The following ROBO2 variants were observed in gnomAD, a reference collection of about 807,000 sequenced individuals.
The protein encoded by ROBO2 is roundabout guidance receptor 2, also known as roundabout homolog 2.
A neutral mutation model predicts 160.8 loss-of-function variants in ROBO2; 53 were observed. The observed-to-expected ratio is 0.33, with a 90% CI of 0.26 to 0.41. The LOEUF is 0.41. Ranked by LOEUF, ROBO2 falls within the 10% of genes least tolerant of loss-of-function variation. The pLI is 1.00. For missense variants in ROBO2, 1,577 were observed against 1,722.4 expected, an observed-to-expected ratio of 0.92 and a Z score of 1.49; for synonymous variants, 664 against 611.7, an observed-to-expected ratio of 1.09 and a Z score of -1.26.
At chr3:77,244,655 G>A (rs1240292813) in intron 2 of ROBO2, among the ~76,000 whole-genome samples, 1 of 152,046 alleles carries the variant, frequency 6.6e-6, no homozygotes, top group Non-Finnish European at 1.5e-5. Flanking sequence ...CGAGGTGGGA[G>A]GATCACAAGG....
At chr3:76,975,176 A>G (rs1009797585) in intron 2 of ROBO2, among the ~76,000 whole-genome samples, 1 of 152,184 alleles carries the variant, frequency 6.6e-6, no homozygotes, top group Non-Finnish European at 1.5e-5. Flanking sequence ...ACAAATCTCA[A>G]GTGATCTTCC....
At chr3:76,093,470 A>G (rs2069314792) in intron 2 of ROBO2, among the ~76,000 whole-genome samples, 1 of 115,666 alleles carries the variant, frequency 8.6e-6, no homozygotes. Flanking sequence ...ACAGTTTATA[A>G]TATATTATGT....
In ROBO2 at chr3:77,382,346, C is replaced by CT. The variant is rs58518864; in HGVS notation, c.389-95052dup. Among the ~76,000 whole-genome samples the CT allele has an allele frequency of 7.7e-3, 1,042 of 135,060 alleles. 12 individuals are homozygous for CT. The highest frequency in any genetic ancestry group is 0.025 in the African/African-American group (947 of 38,380). 88.6% of individuals were successfully genotyped at this position (135,060 alleles called of 152,430 possible). On this transcript the variant is annotated intron_variant, in intron 2 of 25. Transcript: ENST00000461745. ...GTTGAAATAGTAGAAAACACATGTC[C>CT]TTTTTTTTTTTTTTTTAAAAAGTCT...
At chr3:77,295,140 A>T (rs1358125544) in intron 2 of ROBO2, among the ~76,000 whole-genome samples, 1 of 150,914 alleles carries the variant, frequency 6.6e-6, no homozygotes, top group Admixed American at 6.6e-5. Flanking sequence ...CCCAGATATA[A>T]AGTAAAATTG....
At chr3:76,652,222 A>C (rs772310414) in intron 2 of ROBO2, among the ~76,000 whole-genome samples, 36 of 152,222 alleles carry the variant, frequency 2.4e-4, no homozygotes, top group Non-Finnish European at 3.7e-4. Flanking sequence ...CAGAGGTAGT[A>C]GCTGTACCCA....
rs77146292 is a variant in ROBO2 at position 76,519,197 on chromosome 3, C to T, written c.110-578817C>T. ...AGTGATGTTTAACATATAATGATAG[C>T]TTAATACTGTGGCATAAATGTATGG... is the stretch of plus-strand genomic sequence containing the variant. On this transcript the variant is annotated intron_variant, in intron 2 of 26. Coordinates refer to the ROBO2 transcript ENST00000487694. Among the ~76,000 whole-genome samples, 45 of 152,286 alleles carry T rather than the reference C, an allele frequency of 3.0e-4. 2 individuals are homozygous for T. The highest frequency in any genetic ancestry group is 2.7e-3 in the South Asian group (13 of 4,826).
chr3:77,392,723 T>A lies in ROBO2; in HGVS notation c.389-84691T>A, dbSNP rs571190565. Among the ~76,000 whole-genome samples the A allele has an allele frequency of 4.6e-5, 7 of 152,338 alleles. No homozygotes were observed. In the South Asian group the frequency reaches 1.4e-3, roughly 32 times the overall value. On this transcript the variant is annotated intron_variant, in intron 2 of 25. Transcript: ENST00000461745. ...GCCTCAGGCTTGAGGGGTTCTGAGA[T>A]GAACAGCAAATCCTTGAGCTAAACA...
Position 77,077,144 on chromosome 3 carries a change from AATG to A in ROBO2, c.62-20867_62-20865del, listed in dbSNP as rs567853984. ...TTTGAAAGCCTTGAGTACTGTGGAT[AATG>A]ATAGTTTCCTGTGCATCTATACAAG... On this transcript the variant is annotated intron_variant, in intron 1 of 25. Transcript: ENST00000461745. 7.9e-5 allele frequency among the ~76,000 whole-genome samples: 12 copies of A among 152,320 alleles called. No homozygotes were observed. In the South Asian group the frequency reaches 2.3e-3, roughly 29 times the overall value.
At chr3:76,591,846 A>G (rs1578373699) in intron 2 of ROBO2, among the ~76,000 whole-genome samples, 1 of 152,044 alleles carries the variant, frequency 6.6e-6, no homozygotes, top group African/African-American at 2.4e-5. Context: ...TCTCTGTGTG[A>G]AAGTGCTCTG....
intron 2 of ROBO2, among the ~76,000 whole-genome samples, chr3:77,411,910 A>T (rs908973020): frequency 6.6e-6 from 1 of 152,172 alleles, no homozygotes; most frequent in Non-Finnish European, 1.5e-5. Flanking sequence ...CCAACCTGAC[A>T]TCCCATGTTC....
chr3:76,042,025 G>GA (rs1266213403), intron 2 of ROBO2, among the ~76,000 whole-genome samples: 2 of 52,106 alleles, frequency 3.8e-5, no homozygotes, highest in African/African-American at 2.4e-4. Flanking sequence ...AGAGAGAGAG[G>GA]TTAAAAAAAA....
intron 3 of ROBO2, among the ~76,000 whole-genome samples, chr3:77,480,677 G>C (rs2084582681): frequency 1.3e-5 from 2 of 152,074 alleles, no homozygotes; most frequent in Non-Finnish European, 2.9e-5. Context: ...AATATGCCTA[G>C]TAAGTATGGA....
At chr3:76,057,606 A>C (rs2067895260) in intron 2 of ROBO2, among the ~76,000 whole-genome samples, 2 of 152,108 alleles carry the variant, frequency 1.3e-5, no homozygotes, top group South Asian at 4.1e-4. Context: ...GAAATATATC[A>C]GTTTCTTGGG....
At chr3:76,348,141 A>G (rs991363611) in intron 2 of ROBO2, among the ~76,000 whole-genome samples, 2 of 145,644 alleles carry the variant, frequency 1.4e-5, no homozygotes, top group Admixed American at 1.3e-4. Context: ...ACTGTCTCAC[A>G]CACAGTCAGT....
intron 2 of ROBO2, among the ~76,000 whole-genome samples, chr3:76,653,857 C>A (rs548882883): frequency 1.3e-5 from 2 of 152,194 alleles, no homozygotes; most frequent in South Asian, 4.1e-4. Flanking sequence ...TTAGTTACCA[C>A]CGAAGATTCA....
At chr3:76,872,615 A>G (rs1224467871) in intron 2 of ROBO2, among the ~76,000 whole-genome samples, 13 of 152,072 alleles carry the variant, frequency 8.5e-5, no homozygotes. Flanking sequence ...TAAAATCAAT[A>G]AAGCCACAAA....
At chr3:76,179,801 T>TATATTCCTATATA (rs1476263830) in intron 2 of ROBO2, among the ~76,000 whole-genome samples, 5 of 152,160 alleles carry the variant, frequency 3.3e-5, no homozygotes, top group Admixed American at 2.0e-4. Context: ...TATATTATAC[T>TATATTCCTATATA]TACACACTGC....
intron 2 of ROBO2, among the ~76,000 whole-genome samples, chr3:76,064,987 T>A (rs956221244): frequency 6.6e-6 from 1 of 152,164 alleles, no homozygotes; most frequent in Non-Finnish European, 1.5e-5. Flanking sequence ...ATATGTATAG[T>A]CATTAATCAA....
chr3:77,359,894 C>T (rs1442856018), intron 2 of ROBO2, among the ~76,000 whole-genome samples: 1 of 152,062 alleles, frequency 6.6e-6, no homozygotes, highest in African/African-American at 2.4e-5. Flanking sequence ...CTCTCTTGCC[C>T]AGAGTGATGT....
Sources: gnomAD v4.1 joint callset for allele counts (sites outside exome capture counted in the v4.1 genomes callset) on GRCh38, gnomAD v4.1.1 for gene constraint, MANE v1.5 for transcripts, NCBI Gene and HGNC (gene_info 2026-07-23, HGNC 2026-07-21) for gene names.